The following CDH13 variants were observed in gnomAD, a reference collection of about 807,000 sequenced individuals.
CDH13 encodes the protein cadherin 13.
CDH13 carries 24 observed loss-of-function variants against 63.8 expected under a neutral mutation model. The observed-to-expected ratio is 0.38, with a 90% CI of 0.27 to 0.53. The LOEUF is 0.53. Ranked by LOEUF, CDH13 falls within the 20% of genes least tolerant of loss-of-function variation. The pLI is 0.85. For missense variants in CDH13, 1,049 were observed against 903.1 expected (o/e 1.16, Z -2.07); for synonymous variants, 503 against 355.3 (o/e 1.42, Z -4.67).
intron 8 of CDH13, among the ~76,000 whole-genome samples, chr16:83,659,004 GTCCTCACCACCAGGTCCCATA>G (rs1913176836): frequency 1.7e-5 from 2 of 119,952 alleles, no homozygotes; most frequent in Admixed American, 8.8e-5. Context: ...CAGGTCCCAT[GTCCTCACCACCAGGTCCCATA>G]TCCTCACCAG....
At chr16:82,943,353 G>A (rs1182294133) in intron 2 of CDH13, among the ~76,000 whole-genome samples, 1 of 152,042 alleles carries the variant, frequency 6.6e-6, no homozygotes, top group Non-Finnish European at 1.5e-5. Flanking sequence ...TTGCAGGATA[G>A]ACTGTGAAAA....
intron 7 of CDH13, among the ~76,000 whole-genome samples, chr16:83,563,017 C>A (rs2075734743): frequency 6.6e-6 from 1 of 152,186 alleles, no homozygotes; most frequent in Non-Finnish European, 1.5e-5. Flanking sequence ...GTCTCCTCAT[C>A]TGTAGTAGAA....
At chr16:83,356,382 G>C (rs2091057728) in intron 6 of CDH13, among the ~76,000 whole-genome samples, 1 of 152,044 alleles carries the variant, frequency 6.6e-6, no homozygotes, top group Non-Finnish European at 1.5e-5. Flanking sequence ...AATAAAGCCA[G>C]ATTCTCCCCC....
chr16:82,672,566 T>G (rs966072042), intron 1 of CDH13, among the ~76,000 whole-genome samples: 4 of 152,052 alleles, frequency 2.6e-5, no homozygotes, highest in Non-Finnish European at 4.4e-5. Context: ...TCTCTGATCC[T>G]TTCGCACCAT....
At chr16:83,527,239 G>A (rs1449469164) in intron 7 of CDH13, among the ~76,000 whole-genome samples, 8 of 152,038 alleles carry the variant, frequency 5.3e-5, no homozygotes, top group Non-Finnish European at 1.2e-4. Flanking sequence ...CACGAGGTCG[G>A]GAGATGGAGA....
At chr16:82,791,840 C>G (rs550735292) in intron 1 of CDH13, among the ~76,000 whole-genome samples, 135 of 152,318 alleles carry the variant, frequency 8.9e-4, no homozygotes, top group African/African-American at 3.0e-3. Context: ...AGCTATAACA[C>G]TCACTGCATG....
chr16:83,163,644 C>T (rs753661054), intron 4 of CDH13, among the ~76,000 whole-genome samples: 7 of 152,066 alleles, frequency 4.6e-5, no homozygotes, highest in Non-Finnish European at 8.8e-5. Context: ...AGTGTGTCAT[C>T]TCCACTCTCT....
At chr16:83,213,721 C>T (rs1567511447) in intron 4 of CDH13, among the ~76,000 whole-genome samples, 2 of 152,272 alleles carry the variant, frequency 1.3e-5, no homozygotes, top group Admixed American at 6.5e-5. Flanking sequence ...GAGTTTTAAT[C>T]CATATTTGGG....
chr16:83,499,158 G>A (rs2074214661), intron 7 of CDH13, among the ~76,000 whole-genome samples: 1 of 152,156 alleles, frequency 6.6e-6, no homozygotes, highest in African/African-American at 2.4e-5. Flanking sequence ...AGTAAATTAT[G>A]GTATATTCCT....
chr16:82,813,683 G>A (rs1175725095), intron 1 of CDH13, among the ~76,000 whole-genome samples: 4 of 152,124 alleles, frequency 2.6e-5, no homozygotes, highest in Non-Finnish European at 5.9e-5. Flanking sequence ...ACCTTCTAGA[G>A]CCTGTGAGGC....
At chr16:82,943,252 T>G (rs1289939139) in intron 2 of CDH13, among the ~76,000 whole-genome samples, 1 of 152,196 alleles carries the variant, frequency 6.6e-6, no homozygotes, top group Non-Finnish European at 1.5e-5. Context: ...AAGGCACAAT[T>G]TCCTTTTTCC....
chr16:82,802,171 C>G (rs1230926143), intron 1 of CDH13, among the ~76,000 whole-genome samples: 1 of 152,142 alleles, frequency 6.6e-6, no homozygotes, highest in African/African-American at 2.4e-5. Context: ...TTTCCACCTG[C>G]CAAGAGAGGA....
At chr16:83,777,625 C>G (rs1397716197) in intron 11 of CDH13, among the ~76,000 whole-genome samples, 1 of 152,170 alleles carries the variant, frequency 6.6e-6, no homozygotes, top group Non-Finnish European at 1.5e-5. Context: ...ATGACCTGCG[C>G]CAAGGCCATC....
intron 6 of CDH13, among the ~76,000 whole-genome samples, chr16:83,357,498 C>G (rs1036633648): frequency 1.3e-5 from 2 of 152,100 alleles, no homozygotes; most frequent in Non-Finnish European, 2.9e-5. Context: ...CTCAGGTAAC[C>G]CAAGAGACTA....
intron 2 of CDH13, among the ~76,000 whole-genome samples, chr16:82,935,198 C>G (rs928127149): frequency 6.6e-6 from 1 of 152,172 alleles, no homozygotes; most frequent in Admixed American, 6.5e-5. Context: ...TTCATCTTCA[C>G]ATGGCAGCAA....
At chr16:83,052,801 A>AAAAAAAAAAAAAAAG (rs1555571697) in intron 3 of CDH13, among the ~76,000 whole-genome samples, 4 of 122,656 alleles carry the variant, frequency 3.3e-5, no homozygotes, top group African/African-American at 6.6e-5. Context: ...AAAAAAAAAA[A>AAAAAAAAAAAAAAAG]AAAGAAAGAA....
chr16:83,086,847 A>G (rs1270496955), intron 3 of CDH13, among the ~76,000 whole-genome samples: 2 of 152,212 alleles, frequency 1.3e-5, no homozygotes, highest in African/African-American at 4.8e-5. Flanking sequence ...TGCTGGCATC[A>G]TGAAAAACCA....
chr16:83,646,089 C>T (rs974961409), intron 8 of CDH13, among the ~76,000 whole-genome samples: 1 of 152,158 alleles, frequency 6.6e-6, no homozygotes, highest in Non-Finnish European at 1.5e-5. Flanking sequence ...GATGCTCTCC[C>T]ACTGGGCCCT....
intron 2 of CDH13, among the ~76,000 whole-genome samples, chr16:83,012,787 C>T (rs1420950991): frequency 1.3e-5 from 2 of 152,028 alleles, no homozygotes; most frequent in Non-Finnish European, 2.9e-5. Flanking sequence ...AGTGCTTGTC[C>T]ATATATTTAA....
Sources: allele counts gnomAD v4.1 joint callset (sites outside exome capture counted in the v4.1 genomes callset), GRCh38; gene constraint gnomAD v4.1.1; transcripts MANE v1.5; gene names NCBI Gene and HGNC (gene_info 2026-07-23, HGNC 2026-07-21).